Variants in BROX observed in about 807,000 individuals in gnomAD.
The protein encoded by BROX is BRO1 domain-containing protein BROX.
A neutral mutation model predicts 61.0 loss-of-function variants in BROX; 53 were observed. That is an observed-to-expected ratio of 0.87 (90% CI 0.70 to 1.09). BROX has a LOEUF of 1.09. Ranked by LOEUF, BROX falls within the 50% of genes least tolerant of loss-of-function variation. BROX has a pLI of 0.00. For missense variants in BROX, 489 were observed against 472.0 expected, an observed-to-expected ratio of 1.04 and a Z score of -0.33; for synonymous variants, 152 against 160.2, an observed-to-expected ratio of 0.95 and a Z score of 0.38.
chr1:222,724,587 C>G (rs1657361295), intron 6 of BROX, among the ~76,000 whole-genome samples: 1 of 152,146 alleles, frequency 6.6e-6, no homozygotes, highest in African/African-American at 2.4e-5. Context: ...AATCAGTGCA[C>G]TCTAATTGTA....
rs1328913666 is a variant in BROX at position 222,712,854 on chromosome 1, C to G, written c.-105C>G. On this transcript the variant is annotated 5_prime_UTR_variant, in exon 1 of 13. Transcript: ENST00000340934. ...TCACCCTGGTTCTGTAGTCTCGGTT[C>G]TCCGACTCCCTCTTTTTCTCGCTTG... 7.1e-6 allele frequency: 9 copies of G among 1,275,686 alleles called. No homozygotes were observed. The highest frequency in any genetic ancestry group is 9.2e-6 in the Non-Finnish European group (9 of 979,908). 79.0% of individuals were successfully genotyped at this position (1,275,686 alleles called of 1,614,324 possible). A position where few individuals can be genotyped will look rare whatever the true frequency, so the allele number is the denominator to read the frequency against.
At position 222,712,885 on chromosome 1, in the gene BROX, T is replaced by G; in HGVS notation, c.-74T>G. On this transcript the variant is annotated 5_prime_UTR_variant, in exon 1 of 13. Transcript: ENST00000340934. ...CTCCCTCTTTTTCTCGCTTGTGGACTCCGATATATTGCCCTTCTTCCCTTA... is the reference window on the plus strand; with the variant it reads ...CTCCCTCTTTTTCTCGCTTGTGGACGCCGATATATTGCCCTTCTTCCCTTA... 8.0e-7 allele frequency: 1 copy of G among 1,251,742 alleles called. No individual in the cohort carries two copies. Among genetic ancestry groups the G allele is most frequent in the South Asian group, 1.3e-5 (1 of 76,434 alleles). The allele number at this position is 1,251,742 out of a possible 1,614,324, so 77.5% of individuals were successfully genotyped here. A position where few individuals can be genotyped will look rare whatever the true frequency, so the allele number is the denominator to read the frequency against.
At chr1:222,727,101 T>G in intron 7 of BROX, 67 bp from the exon 8 acceptor site, 1 of 1,101,402 alleles carries the variant, frequency 9.1e-7, no homozygotes, top group Non-Finnish European at 1.4e-6. Context: ...CTTTTGCTAT[T>G]ATAATTGAAT....
At chr1:222,726,515 G>A (rs1228462862) in intron 7 of BROX, among the ~76,000 whole-genome samples, 1 of 152,048 alleles carries the variant, frequency 6.6e-6, no homozygotes, top group African/African-American at 2.4e-5. Flanking sequence ...TTGGGAGTTC[G>A]AGACCAGCCT....
intron 10 of BROX, 28 bp from the exon 11 acceptor site, chr1:222,729,997 CAA>C (rs1657815219): frequency 1.3e-6 from 2 of 1,578,954 alleles, no homozygotes; most frequent in Non-Finnish European, 1.7e-6. Context: ...TAATTATAAT[CAA>C]AAGACTTTAA....
chr1:222,724,482 T>C (rs1038002930), intron 6 of BROX, among the ~76,000 whole-genome samples: 1 of 152,176 alleles, frequency 6.6e-6, no homozygotes, highest in Non-Finnish European at 1.5e-5. Flanking sequence ...ACCTACCTCA[T>C]TGCTCTCCAC....
chr1:222,730,252 G>A, intron 11 of BROX, 75 bp downstream of exon 11: 2 of 1,030,658 alleles, frequency 1.9e-6, no homozygotes, highest in Non-Finnish European at 2.6e-6. Flanking sequence ...TAATATTTTA[G>A]TAATATCATT....
chr1:222,723,644 G>A (rs1327591137), intron 5 of BROX, among the ~76,000 whole-genome samples: 1 of 152,136 alleles, frequency 6.6e-6, no homozygotes, highest in African/African-American at 2.4e-5. Flanking sequence ...CATTTCATAT[G>A]CATTTGCTCC....
rs756691852 is a variant in BROX, at chr1:222,732,670, C to T, written c.1192C>T (p.Pro398Ser). The T allele has an allele frequency of 6.2e-7, 1 of 1,613,536 alleles. No individual in the cohort carries two copies. Among genetic ancestry groups the T allele is most frequent in the South Asian group, 1.1e-5 (1 of 91,064 alleles). ...PEEEVKPVKE[P>S]DIKPQKDTGC... ...AGAAGAAGTGAAACCTGTGAAAGAACCAGACATCAAACCTCAAAAGGACAC... is the reference window on the plus strand; with the variant it reads ...AGAAGAAGTGAAACCTGTGAAAGAATCAGACATCAAACCTCAAAAGGACAC... Residue 398 changes from proline (P) to serine (S), a missense_variant, in exon 13 of 13, where the codon CCA (proline) becomes TCA (serine). By Grantham distance (74) the Pro-to-Ser change is moderately conservative. Transcript: ENST00000340934.
At chr1:222,725,785 C>G (rs1657455758) in intron 7 of BROX, among the ~76,000 whole-genome samples, 1 of 152,068 alleles carries the variant, frequency 6.6e-6, no homozygotes, top group East Asian at 1.9e-4. Flanking sequence ...TGGCACATTC[C>G]TGTAGTCCCA....
rs1156401741 is a variant in BROX, at chr1:222,730,139, G to T, written c.951G>T (p.Lys317Asn). ...TTAGGAAACTTGGAAACCTTGTGAA[G>T]AACACCCTAGAAAAATGTCAGAGAG... Reference protein sequence around the residue: ...LFFRKLGNLVKNTLEKCQREN... With the variant: ...LFFRKLGNLVNNTLEKCQREN... The change falls in exon 11 of 13, where the codon AAG becomes AAT. Residue 317 changes from lysine to asparagine, a missense_variant. Physicochemically the swap from Lys to Asn is moderately conservative, Grantham distance 94 (BLOSUM62 0). Transcript: ENST00000340934. 1 of 1,611,146 alleles carries T rather than the reference G, an allele frequency of 6.2e-7. No individual in the cohort carries two copies. Among genetic ancestry groups the T allele is most frequent in the Non-Finnish European group, 8.5e-7 (1 of 1,178,378 alleles).
At chr1:222,732,243 T>C (rs902895209) in intron 12 of BROX, among the ~76,000 whole-genome samples, 1 of 152,166 alleles carries the variant, frequency 6.6e-6, no homozygotes, top group Non-Finnish European at 1.5e-5. Context: ...CTTTAAGTTT[T>C]AGGGTACATG....
At chr1:222,717,041 C>T (rs1036943360) in intron 2 of BROX, among the ~76,000 whole-genome samples, 13 of 152,090 alleles carry the variant, frequency 8.5e-5, no homozygotes, top group East Asian at 1.9e-4. Context: ...TGGGAAGAAG[C>T]GATGACAACA....
At position 222,722,418 on chromosome 1, in the gene BROX, G is replaced by C; in HGVS notation, c.306-1G>C. On this transcript the variant is annotated splice_acceptor_variant, in intron 4 of 12. Coordinates refer to ENST00000340934, the MANE Select transcript of BROX (RefSeq NM_144695.4). LOFTEE classifies it high-confidence loss of function. ...CTTAATGATCATGTTTATAATTCCA[G>C]TGCCCAGCAGGATGCTGTTTTTGAA... 3.7e-6 allele frequency: 6 copies of C among 1,609,732 alleles called. No individual in the cohort carries two copies. Among genetic ancestry groups the C allele is most frequent in the Non-Finnish European group, 5.1e-6 (6 of 1,176,338 alleles).
At chr1:222,730,986 AC>A (rs1308471003) in intron 11 of BROX, among the ~76,000 whole-genome samples, 1 of 151,860 alleles carries the variant, frequency 6.6e-6, no homozygotes, top group East Asian at 1.9e-4. Flanking sequence ...AGGTGGGTAG[AC>A]TCAATCTCCT....
In BROX at chr1:222,731,509, A is replaced by T. The variant is rs760424739; in HGVS notation, c.1142A>T (p.Asp381Val). ...TTTGATCTCACCAAAAGACCCAAGG[A>T]TGACAGTGTATGAGATTGTTTTTTT... The part of the protein sequence containing the change: ...AAFDLTKRPK[D>V]DSTKPKPEEE... Residue 381 changes from aspartate to valine, a missense_variant, in exon 12 of 13, where the codon GAT becomes GTT. Physicochemically the swap from Asp to Val is radical, Grantham distance 152. Transcript: ENST00000340934. 2 of 1,583,018 alleles carry T rather than the reference A, an allele frequency of 1.3e-6. No homozygotes were observed. Among genetic ancestry groups the T allele is most frequent in the African/African-American group, 2.8e-5 (2 of 72,502 alleles).
chr1:222,727,314 A>T, intron 8 of BROX, 57 bp downstream of exon 8: 1 of 1,290,612 alleles, frequency 7.7e-7, no homozygotes, highest in Non-Finnish European at 1.1e-6. Flanking sequence ...GATTTATTTG[A>T]TCTTGAATAG....
rs1390058757 is a variant in BROX, at chr1:222,733,063, C to CTTTTTTTTTTTTCTTTTTT, written c.*362_*380dup. The CTTTTTTTTTTTTCTTTTTT allele has an allele frequency of 9.5e-6, 1 of 104,884 alleles. No individual in the cohort carries two copies. Among genetic ancestry groups the CTTTTTTTTTTTTCTTTTTT allele is most frequent in the African/African-American group, 3.7e-5 (1 of 27,244 alleles). 6.5% of individuals were successfully genotyped at this position (104,884 alleles called of 1,614,324 possible). The stretch of plus-strand genomic sequence containing the variant: ...AGGTATGTTTTTCTTTTTTCTTTTT[C>CTTTTTTTTTTTTCTTTTTT]TTTTTTTTTTTTCTTTTTTTTTTTT... On this transcript the variant is annotated 3_prime_UTR_variant, in exon 13 of 13. Transcript: ENST00000340934.
At chr1:222,721,784 T>C (rs1657113505) in intron 4 of BROX, among the ~76,000 whole-genome samples, 1 of 152,146 alleles carries the variant, frequency 6.6e-6, no homozygotes, top group Non-Finnish European at 1.5e-5. Context: ...TTCAGCTTGC[T>C]TTTTGCCCTT....
Sources: allele counts gnomAD v4.1 joint callset (sites outside exome capture counted in the v4.1 genomes callset), GRCh38; gene constraint gnomAD v4.1.1; transcripts MANE v1.5; gene names NCBI Gene and HGNC (gene_info 2026-07-23, HGNC 2026-07-21).